KNL1: variants seen among roughly 807,000 people sequenced by gnomAD.
KNL1 encodes the protein kinetochore scaffold 1.
KNL1 carries 66 observed loss-of-function variants against 201.3 expected under a neutral mutation model. The observed-to-expected ratio is 0.33, with a 90% CI of 0.27 to 0.40. The LOEUF is 0.40. Among genes scored for constraint, KNL1 ranks in the 10% least tolerant of loss-of-function variants. KNL1 has a pLI of 1.00. For missense variants in KNL1, 2,815 were observed against 2,690.5 expected (o/e 1.05, Z -1.02); for synonymous variants, 895 against 899.2 (o/e 1.00, Z 0.08).
Position 40,622,875 on chromosome 15 carries a change from G to A in KNL1, c.2611G>A (p.Asp871Asn), listed in dbSNP as rs1186561771. The A allele has an allele frequency of 5.0e-6, 8 of 1,612,904 alleles. No homozygotes were observed. In the East Asian group the frequency reaches 1.1e-4, roughly 22 times the overall value. ...TGTATTTTCAGAAGACGATAAGAATGATATGGATATCACTAAGAGTTATAC... is the reference window on the plus strand; with the variant it reads ...TGTATTTTCAGAAGACGATAAGAATAATATGGATATCACTAAGAGTTATAC... Reference protein sequence around the residue: ...TIVFSEDDKNDMDITKSYTIE... With the variant: ...TIVFSEDDKNNMDITKSYTIE... Residue 871 changes from aspartate to asparagine, a missense_variant, in exon 10 of 26, where the codon GAT (aspartate) becomes AAT (asparagine). Coordinates refer to ENST00000399668, the MANE Select transcript of KNL1 (RefSeq NM_144508.5).
rs1232958854 is a variant in KNL1 at position 40,621,232 on chromosome 15, T to G, written c.968T>G (p.Phe323Cys). The change falls in exon 10 of 26, where the codon TTT becomes TGT. Residue 323 changes from phenylalanine to cysteine, a missense_variant. By Grantham distance (205) the Phe-to-Cys change is radical. This residue lies in a region of KNL1 where 2,464 missense variants were observed against 2,291.7 expected (regional missense o/e 1.08). Transcript: ENST00000399668. ...IYGNDFMDLTFNHTLQILPAT... is the reference protein window; with the variant it reads ...IYGNDFMDLTCNHTLQILPAT... ...GGCAATGACTTTATGGACTTGACAT[T>G]TAACCACACTTTGCAGATCTTACCT... The G allele has an allele frequency of 1.2e-6, 2 of 1,612,934 alleles. No individual in the cohort carries two copies. Among genetic ancestry groups the G allele is most frequent in the South Asian group, 1.1e-5 (1 of 90,970 alleles).
At chr15:40,601,496 G>A (rs1314576672) in intron 1 of KNL1, among the ~76,000 whole-genome samples, 4 of 152,094 alleles carry the variant, frequency 2.6e-5, no homozygotes, top group South Asian at 2.1e-4. Context: ...TATCTTGAGT[G>A]TGATAATTTT....
Position 40,624,352 on chromosome 15 carries a change from C to T in KNL1, c.4088C>T (p.Pro1363Leu). 1 of 1,613,798 alleles carries T rather than the reference C, an allele frequency of 6.2e-7. No individual in the cohort carries two copies. The highest frequency in any genetic ancestry group is 2.2e-5 in the East Asian group (1 of 44,872). Reference protein sequence around the residue: ...SEGQPLSAPCPLLEKEEVIQT... With the variant: ...SEGQPLSAPCLLLEKEEVIQT... ...GGACAGCCTCTCTCTGCTCCTTGTC[C>T]TTTGTTAGAGAAGGAAGAAGTTATT... The change falls in exon 10 of 26, where the codon CCT becomes CTT. Residue 1363 changes from proline to leucine, a missense_variant. Pro to Leu is a moderately conservative substitution (Grantham distance 98, BLOSUM62 -3). Coordinates refer to ENST00000399668, the MANE Select transcript of KNL1 (RefSeq NM_144508.5).
At position 40,621,193 on chromosome 15, in the gene KNL1, A is replaced by G. The variant is rs2141719541; in HGVS notation, c.929A>G (p.Asp310Gly). 1 of 1,612,470 alleles carries G rather than the reference A, an allele frequency of 6.2e-7. No homozygotes were observed. Among genetic ancestry groups the G allele is most frequent in the Middle Eastern group, 1.7e-4 (1 of 6,050 alleles). Residue 310 changes from aspartate to glycine, a missense_variant, in exon 10 of 26, where the codon GAT becomes GGT. Physicochemically the swap from Asp to Gly is moderately conservative, Grantham distance 94 (BLOSUM62 -1). Transcript: ENST00000399668. ...AACTCACGGGAATCTAAAGGTAATG[A>G]TATTACAATTTATGGCAATGACTTT... ...ETNSRESKGN[D>G]ITIYGNDFMD...
intron 1 of KNL1, among the ~76,000 whole-genome samples, chr15:40,596,029 T>TA (rs144016361): frequency 3.3e-5 from 5 of 152,002 alleles, no homozygotes; most frequent in Admixed American, 6.6e-5. Flanking sequence ...ATTAAAAGGG[T>TA]AAAAAAACAC....
At position 40,622,630 on chromosome 15, in the gene KNL1, A is replaced by G. The variant is rs1892581358; in HGVS notation, c.2366A>G (p.His789Arg). 6.2e-7 allele frequency: 1 copy of G among 1,600,042 alleles called. No individual in the cohort carries two copies. Among genetic ancestry groups the G allele is most frequent in the Non-Finnish European group, 8.5e-7 (1 of 1,174,184 alleles). ...LQELGKTNLE[H>R]TTGQLTTMNR... ...GAACTTGGTAAAACTAATTTAGAACACACTACTGGCCAGCTAACAACAATG... is the reference window on the plus strand; with the variant it reads ...GAACTTGGTAAAACTAATTTAGAACGCACTACTGGCCAGCTAACAACAATG... The change falls in exon 10 of 26, where the codon CAC becomes CGC. Residue 789 changes from histidine (H) to arginine (R), a missense_variant. This residue lies in a region of KNL1 where 2,464 missense variants were observed against 2,291.7 expected (regional missense o/e 1.08). Coordinates refer to ENST00000399668, the MANE Select transcript of KNL1 (RefSeq NM_144508.5).
At chr15:40,645,583 A>T (rs1293549913) in intron 15 of KNL1, 73 bp from the exon 16 acceptor site, 1 of 696,666 alleles carries the variant, frequency 1.4e-6, no homozygotes, top group African/African-American at 1.8e-5. Context: ...GGCAAAGCCT[A>T]GCCTTCCTAG....
chr15:40,629,237 T>C, intron 12 of KNL1, 36 bp from the exon 13 acceptor site: 2 of 1,236,360 alleles, frequency 1.6e-6, no homozygotes, highest in Non-Finnish European at 2.3e-6. Flanking sequence ...TGAAATCACA[T>C]TGAATGGTCA....
rs200632389 is a variant in KNL1, at chr15:40,647,035, C to T, written c.6055C>T (p.Leu2019Phe). 3.8e-5 allele frequency: 58 copies of T among 1,537,792 alleles called. No homozygotes were observed. The African/African-American group carries it at 6.9e-4, about 18-fold the overall frequency. The change falls in exon 17 of 26, where the codon CTT (leucine) becomes TTT (phenylalanine). Residue 2019 changes from leucine to phenylalanine, a missense_variant. Physicochemically the swap from Leu to Phe is conservative, Grantham distance 22 (BLOSUM62 0). This residue lies in a region of KNL1 where 334 missense variants were observed against 362.6 expected (regional missense o/e 0.92). Coordinates refer to ENST00000399668, the MANE Select transcript of KNL1 (RefSeq NM_144508.5). ...AAAGATAGATGAGATGGATAAAATA[C>T]TTAAGAAGATCGATAACTGCCTCAC... ...QIKIDEMDKILKKIDNCLTEM... is the reference protein window; with the variant it reads ...QIKIDEMDKIFKKIDNCLTEM...
chr15:40,626,735 A>G (rs1417879667), intron 10 of KNL1, among the ~76,000 whole-genome samples: 1 of 150,002 alleles, frequency 6.7e-6, no homozygotes. Flanking sequence ...GCACACCACA[A>G]TGCCCAGCTA....
At chr15:40,614,237 A>G (rs961912368) in intron 7 of KNL1, among the ~76,000 whole-genome samples, 5 of 152,022 alleles carry the variant, frequency 3.3e-5, no homozygotes, top group Admixed American at 1.3e-4. Flanking sequence ...ACCTGGGACT[A>G]CAGGTGCACA....
At chr15:40,652,216 C>G (rs1307968047) in intron 21 of KNL1, 111 bp downstream of exon 21, 1 of 558,850 alleles carries the variant, frequency 1.8e-6, no homozygotes, top group East Asian at 2.9e-5. Flanking sequence ...GATGAGAGCA[C>G]TGCTGAAAGT....
At chr15:40,606,085 T>C (rs958139974) in intron 3 of KNL1, among the ~76,000 whole-genome samples, 2 of 152,198 alleles carry the variant, frequency 1.3e-5, no homozygotes, top group African/African-American at 4.8e-5. Flanking sequence ...GAACAAATCA[T>C]CATTGACAAG....
intron 10 of KNL1, 116 bp from the exon 11 acceptor site, chr15:40,627,952 GAT>G (rs1892800668): frequency 2.9e-6 from 2 of 682,802 alleles, no homozygotes; most frequent in African/African-American, 1.8e-5. Flanking sequence ...TCTTCACTAA[GAT>G]ATTTCATATG....
At chr15:40,661,953 A>G (rs1178301427) in intron 25 of KNL1, 121 bp from the exon 26 acceptor site, 3 of 558,706 alleles carry the variant, frequency 5.4e-6, no homozygotes, top group African/African-American at 1.9e-5. Context: ...AGGCAGGAGA[A>G]TGGCATGAAC....
chr15:40,612,615 C>G (rs1892207304), intron 7 of KNL1, among the ~76,000 whole-genome samples: 1 of 152,002 alleles, frequency 6.6e-6, no homozygotes, highest in African/African-American at 2.4e-5. Flanking sequence ...CTCCTGGGTT[C>G]AAGTGATTCT....
intron 17 of KNL1, 198 bp from the exon 18 acceptor site, chr15:40,650,103 C>T (rs575350568): frequency 2.2e-6 from 1 of 445,510 alleles, no homozygotes; most frequent in East Asian, 4.2e-5. Flanking sequence ...CCTTTGTTGA[C>T]TACCTTACTT....
chr15:40,604,857 T>G (rs760001476), intron 2 of KNL1, among the ~76,000 whole-genome samples: 3 of 152,240 alleles, frequency 2.0e-5, no homozygotes, highest in Non-Finnish European at 4.4e-5. Context: ...TATCTTATTA[T>G]TATACCTCTA....
chr15:40,629,420 T>C (rs777448870), intron 13 of KNL1, 49 bp downstream of exon 13: 1 of 1,289,896 alleles, frequency 7.8e-7, no homozygotes, highest in Non-Finnish European at 1.1e-6. Flanking sequence ...AAACATTTAT[T>C]TAAAAGCACA....
Sources: allele counts gnomAD v4.1 joint callset (sites outside exome capture counted in the v4.1 genomes callset), GRCh38; gene constraint gnomAD v4.1.1; regional missense constraint gnomAD v4.1.1; transcripts MANE v1.5; gene names NCBI Gene and HGNC (gene_info 2026-07-23, HGNC 2026-07-21).